PCDH15: variants seen among roughly 807,000 people sequenced by gnomAD.
PCDH15 encodes protocadherin related 15, also known as protocadherin-15.
A neutral mutation model predicts 178.5 loss-of-function variants in PCDH15; 129 were observed. That is an observed-to-expected ratio of 0.72 (90% confidence interval 0.63 to 0.84). The LOEUF (loss-of-function observed/expected upper bound fraction) is 0.84, where lower values mean the gene tolerates loss of function less well. PCDH15 is among the 40% of genes least tolerant of loss of function. PCDH15 has a pLI of 0.00. For synonymous variants in PCDH15, 800 were observed against 732.0 expected (o/e 1.09, Z -1.50); for missense variants, 2,230 against 2,099.9 (o/e 1.06, Z -1.21).
At chr10:54,955,997 C>T (rs926443587) in intron 2 of PCDH15, among the ~76,000 whole-genome samples, 6 of 151,250 alleles carry the variant, frequency 4.0e-5, no homozygotes, top group Non-Finnish European at 8.9e-5. Flanking sequence ...CTGAATTTCA[C>T]TTTGAAATTA....
At chr10:54,362,654 G>GTT (rs1455543003) in intron 5 of PCDH15, among the ~76,000 whole-genome samples, 1 of 151,976 alleles carries the variant, frequency 6.6e-6, no homozygotes, top group Non-Finnish European at 1.5e-5. Context: ...AGAGCCGTGC[G>GTT]TCTAGAAAAA....
chr10:55,126,660 T>C (rs1014874332), intron 2 of PCDH15, among the ~76,000 whole-genome samples: 3 of 151,982 alleles, frequency 2.0e-5, no homozygotes, highest in Non-Finnish European at 2.9e-5. Context: ...GTAGACCAAA[T>C]TAATAACTTC....
At chr10:54,923,021 C>CTGTTATTTTTTTT (rs1564632804) in intron 2 of PCDH15, among the ~76,000 whole-genome samples, 3 of 88,790 alleles carry the variant, frequency 3.4e-5, no homozygotes, top group South Asian at 3.2e-4. Context: ...AGACTTCTGC[C>CTGTTATTTTTTTT]TAGACACTCA....
At chr10:54,013,018 C>T (rs1338614594) in intron 20 of PCDH15, among the ~76,000 whole-genome samples, 1 of 152,000 alleles carries the variant, frequency 6.6e-6, no homozygotes, top group African/African-American at 2.4e-5. Flanking sequence ...AGAGGCCCAT[C>T]TCACATGCAA....
intron 2 of PCDH15, among the ~76,000 whole-genome samples, chr10:55,521,512 A>G (rs1841175498): frequency 6.6e-6 from 1 of 151,984 alleles, no homozygotes; most frequent in Non-Finnish European, 1.5e-5. Flanking sequence ...GGAACTTATA[A>G]TAGGGTCATA....
chr10:55,585,741 G>A (rs565927844), intron 2 of PCDH15, among the ~76,000 whole-genome samples: 305 of 151,790 alleles, frequency 2.0e-3, no homozygotes, highest in Non-Finnish European at 3.2e-3. Context: ...ATATGTGTGT[G>A]TATATATATA....
At chr10:55,611,374 A>G (rs7478653) in intron 2 of PCDH15, among the ~76,000 whole-genome samples, 51,862 of 151,966 alleles carry the variant, frequency 0.34, 8,903 homozygotes, top group Admixed American at 0.38. Context: ...ATTTCTCCAA[A>G]GAAGACATAC....
rs184227993 is a variant in PCDH15 at position 53,805,875 on chromosome 10, C to T, written c.*704G>A. The T allele has an allele frequency of 1.3e-5, 2 of 152,024 alleles. No homozygotes were observed. The highest frequency in any genetic ancestry group is 1.9e-4 in the East Asian group (1 of 5,158). 9.4% of individuals were successfully genotyped at this position (152,024 alleles called of 1,614,324 possible). A position where few individuals can be genotyped will look rare whatever the true frequency, so the allele number is the denominator to read the frequency against. On this transcript the variant is annotated 3_prime_UTR_variant, in exon 38 of 38. Coordinates refer to ENST00000644397, the MANE Select transcript of PCDH15 (RefSeq NM_001384140.1). ...TGATTAAACTAAACTAAAGTATCTA[C>T]CATATTTGATATGAGATGAAGGGAC...
rs192745401 is a variant in PCDH15 at position 53,811,667 on chromosome 10, G to A, written c.4492-48C>T. 4.6e-5 allele frequency: 57 copies of A among 1,238,966 alleles called. No individual in the cohort carries two copies. In the African/African-American group the frequency reaches 6.0e-4, roughly 13 times the overall value. 76.7% of individuals were successfully genotyped at this position (1,238,966 alleles called of 1,614,324 possible). On this transcript the variant is annotated intron_variant, in intron 35 of 37. Transcript: ENST00000644397. ...GCATTTGAAAACGAATTCTTATCAC[G>A]TTTCAGGTCAAAGTCAGATTTCTAC...
At chr10:54,049,288 T>G (rs547773752) in intron 18 of PCDH15, among the ~76,000 whole-genome samples, 62 of 152,304 alleles carry the variant, frequency 4.1e-4, no homozygotes, top group African/African-American at 1.4e-3. Flanking sequence ...TAGGGTTTTC[T>G]AGGTATAGAA....
At chr10:55,175,217 C>T (rs1001355774) in intron 1 of PCDH15, among the ~76,000 whole-genome samples, 2 of 152,136 alleles carry the variant, frequency 1.3e-5, no homozygotes, top group Admixed American at 1.3e-4. Flanking sequence ...CTAAGCCTCT[C>T]AGTTACTCCA....
chr10:54,978,306 T>C (rs1839127748), intron 2 of PCDH15, among the ~76,000 whole-genome samples: 1 of 152,052 alleles, frequency 6.6e-6, no homozygotes, highest in South Asian at 2.1e-4. Context: ...AGTTTGGAAT[T>C]TTAGTGATAG....
chr10:54,998,071 C>A (rs1452146018), intron 2 of PCDH15, among the ~76,000 whole-genome samples: 3 of 151,946 alleles, frequency 2.0e-5, no homozygotes, highest in Non-Finnish European at 4.4e-5. Flanking sequence ...ATATATCATT[C>A]TGTATATAAA....
chr10:54,886,673 A>G (rs954047282), intron 3 of PCDH15, among the ~76,000 whole-genome samples: 1 of 152,222 alleles, frequency 6.6e-6, no homozygotes, highest in Non-Finnish European at 1.5e-5. Flanking sequence ...TTGGCAGGAG[A>G]ATCGCTTGAA....
chr10:54,819,887 T>A (rs1953008564), intron 3 of PCDH15, among the ~76,000 whole-genome samples: 1 of 152,084 alleles, frequency 6.6e-6, no homozygotes. Context: ...GTCACATAAT[T>A]ATTCTAAAAT....
chr10:55,352,680 C>T (rs1364371159), intron 2 of PCDH15, among the ~76,000 whole-genome samples: 1 of 152,026 alleles, frequency 6.6e-6, no homozygotes, highest in Non-Finnish European at 1.5e-5. Flanking sequence ...GAAGTGTTGT[C>T]TCCTCTTATT....
chr10:53,984,440 G>A (rs942168840), intron 21 of PCDH15, among the ~76,000 whole-genome samples: 6 of 151,994 alleles, frequency 3.9e-5, no homozygotes, highest in African/African-American at 7.2e-5. Flanking sequence ...GTGAGCCACC[G>A]TGCCTGGCCT....
intron 2 of PCDH15, among the ~76,000 whole-genome samples, chr10:55,369,022 A>AG (rs1282041084): frequency 6.6e-6 from 1 of 150,948 alleles, no homozygotes; most frequent in Non-Finnish European, 1.5e-5. Context: ...AAAAAAAAAA[A>AG]AAAAAAAAAA....
rs138559028 is a variant in PCDH15 at position 55,366,975 on chromosome 10, T to C, written c.-155-200324A>G. 7.3e-3 allele frequency among the ~76,000 whole-genome samples: 1,114 copies of C among 151,670 alleles called. 18 individuals carry two copies. Among genetic ancestry groups the C allele is most frequent in the African/African-American group, 0.026 (1,075 of 41,360 alleles). ...TTGCTTGGTTCTATAGAAAATTTAA[T>C]AGGAGAGTTAGAGGTAGGGTGTTTA... On this transcript the variant is annotated intron_variant, in intron 2 of 5. Transcript: ENST00000613346.
Sources: allele counts gnomAD v4.1 joint callset (sites outside exome capture counted in the v4.1 genomes callset), GRCh38; gene constraint gnomAD v4.1.1; transcripts MANE v1.5; gene names NCBI Gene and HGNC (gene_info 2026-07-23, HGNC 2026-07-21).